The following DOCK5 variants were observed in gnomAD, a reference collection of about 807,000 sequenced individuals.
DOCK5 encodes dedicator of cytokinesis protein 5.
In DOCK5, 142 loss-of-function variants were observed where a neutral mutation model predicts 251.8. The ratio of observed to expected loss-of-function variants is 0.56; its 90% CI spans 0.49 to 0.65. The LOEUF (loss-of-function observed/expected upper bound fraction) is 0.65, where lower values mean the gene tolerates loss of function less well. Ranked by LOEUF, DOCK5 falls within the 30% of genes least tolerant of loss-of-function variation. DOCK5 has a pLI of 0.00. For missense variants in DOCK5, 2,111 were observed against 2,312.3 expected, an observed-to-expected ratio of 0.91 and a Z score of 1.79; for synonymous variants, 842 against 835.5, an observed-to-expected ratio of 1.01 and a Z score of -0.13.
chr8:25,191,305 G>A (rs1356077611), intron 1 of DOCK5, among the ~76,000 whole-genome samples: 1 of 152,152 alleles, frequency 6.6e-6, no homozygotes, highest in African/African-American at 2.4e-5. Flanking sequence ...GGAATGCAGG[G>A]GCAGCTATAA....
intron 5 of DOCK5, among the ~76,000 whole-genome samples, chr8:25,279,562 G>A (rs1804134989): frequency 6.6e-6 from 1 of 151,914 alleles, no homozygotes; most frequent in Admixed American, 6.6e-5. Flanking sequence ...CGCCTCTTGG[G>A]TTCATGCCAT....
chr8:25,353,074 C>A (rs77669430), intron 27 of DOCK5, among the ~76,000 whole-genome samples: 3,460 of 152,162 alleles, frequency 0.023, 55 homozygotes, highest in South Asian at 0.077. Flanking sequence ...TAAAGAGAAA[C>A]GATTGCAAGT....
At chr8:25,270,051 T>G (rs1311879913) in intron 3 of DOCK5, among the ~76,000 whole-genome samples, 1 of 152,222 alleles carries the variant, frequency 6.6e-6, no homozygotes, top group African/African-American at 2.4e-5. Flanking sequence ...TATTTGCACA[T>G]GTATGTGTAC....
intron 1 of DOCK5, among the ~76,000 whole-genome samples, chr8:25,205,218 G>A (rs1367999222): frequency 3.3e-5 from 5 of 151,806 alleles, no homozygotes; most frequent in South Asian, 2.1e-4. Context: ...TGTGGAGAGC[G>A]CTCTCCCTCT....
chr8:25,217,069 A>G (rs199895203), intron 1 of DOCK5, among the ~76,000 whole-genome samples: 135 of 137,914 alleles, frequency 9.8e-4, no homozygotes, highest in South Asian at 2.5e-3. Flanking sequence ...TACAATATGT[A>G]TATATGTATA....
In DOCK5 at chr8:25,364,583, G is replaced by A. The variant is rs367945759; in HGVS notation, c.3045-43G>A. The A allele has an allele frequency of 8.8e-5, 126 of 1,435,154 alleles. No individual in the cohort carries two copies. In the African/African-American group the frequency reaches 1.4e-3, roughly 16 times the overall value. 88.9% of individuals were successfully genotyped at this position (1,435,154 alleles called of 1,614,324 possible). On this transcript the variant is annotated intron_variant, in intron 29 of 51. Transcript: ENST00000276440. ...AATATAGGTGGGAAAAGGTTTCAAA[G>A]GACATACAGTTGGCTTCTTTATCTG...
At chr8:25,294,115 C>T (rs1804559669) in intron 6 of DOCK5, among the ~76,000 whole-genome samples, 1 of 152,140 alleles carries the variant, frequency 6.6e-6, no homozygotes, top group African/African-American at 2.4e-5. Context: ...CTGGAGGTCC[C>T]GTGATCTCTG....
chr8:25,227,198 A>G (rs1457347084), intron 1 of DOCK5, among the ~76,000 whole-genome samples: 1 of 152,218 alleles, frequency 6.6e-6, no homozygotes, highest in Non-Finnish European at 1.5e-5. Context: ...TTCACACCAC[A>G]TCTGGTGAGA....
intron 28 of DOCK5, among the ~76,000 whole-genome samples, chr8:25,362,250 G>A (rs1220559992): frequency 2.0e-5 from 3 of 152,090 alleles, no homozygotes; most frequent in Admixed American, 6.6e-5. Context: ...TAATAAAGGA[G>A]AATTGAACTG....
intron 13 of DOCK5, among the ~76,000 whole-genome samples, chr8:25,316,233 A>C (rs1805247239): frequency 6.6e-6 from 1 of 152,222 alleles, no homozygotes; most frequent in African/African-American, 2.4e-5. Flanking sequence ...TGATCCCAGC[A>C]CTTTGGGAGG....
At chr8:25,383,660 G>C (rs1801108875) in intron 40 of DOCK5, among the ~76,000 whole-genome samples, 1 of 152,154 alleles carries the variant, frequency 6.6e-6, no homozygotes, top group Non-Finnish European at 1.5e-5. Flanking sequence ...TTCGAGACCA[G>C]TGTGGCCAAC....
At chr8:25,265,572 A>G (rs1287918111) in intron 2 of DOCK5, among the ~76,000 whole-genome samples, 1 of 151,696 alleles carries the variant, frequency 6.6e-6, no homozygotes, top group African/African-American at 2.4e-5. Flanking sequence ...TTTCTTGAGC[A>G]CTTCTTCCTC....
intron 4 of DOCK5, 103 bp downstream of exon 4, chr8:25,275,544 C>G: frequency 8.4e-7 from 1 of 1,191,208 alleles, no homozygotes; most frequent in South Asian, 1.4e-5. Context: ...TAATAGTTCT[C>G]TCATCTCAGG....
intron 4 of DOCK5, chr8:25,276,839 C>T (rs1331941040): frequency 6.6e-6 from 1 of 152,184 alleles, no homozygotes; most frequent in Non-Finnish European, 1.5e-5. Flanking sequence ...TATTCCTCCT[C>T]ATCTTTGGAC....
chr8:25,204,454 C>T (rs6557824), intron 1 of DOCK5, among the ~76,000 whole-genome samples: 6,414 of 152,138 alleles, frequency 0.042, 244 homozygotes, highest in African/African-American at 0.1. Flanking sequence ...TTTCTATTAC[C>T]TTCTAGATTC....
chr8:25,358,857 GC>G (rs1563214903), intron 27 of DOCK5, 105 bp from the exon 28 acceptor site: 4 of 899,312 alleles, frequency 4.4e-6, no homozygotes, highest in Non-Finnish European at 1.8e-6. Context: ...TGGGATACCT[GC>G]GTGGCTCAGT....
rs1258901545 is a variant in DOCK5, at chr8:25,332,276, G to C, written c.1929G>C (p.Trp643Cys). Residue 643 changes from tryptophan to cysteine, a missense_variant, in exon 19 of 52, where the codon TGG becomes TGC. Trp to Cys is a radical substitution (Grantham distance 215). Transcript: ENST00000276440. Reference protein sequence around the residue: ...QNVDLLGLLNWRSNSQNIKHN... With the variant: ...QNVDLLGLLNCRSNSQNIKHN... ...TTGACCTGTTAGGCTTGTTAAATTGGCGTTCCAACTCCCAGAACATTAAAC... is the reference window on the plus strand; with the variant it reads ...TTGACCTGTTAGGCTTGTTAAATTGCCGTTCCAACTCCCAGAACATTAAAC... 6.2e-7 allele frequency: 1 copy of C among 1,613,494 alleles called. No homozygotes were observed. Among genetic ancestry groups the C allele is most frequent in the Non-Finnish European group, 8.5e-7 (1 of 1,179,650 alleles).
intron 1 of DOCK5, among the ~76,000 whole-genome samples, chr8:25,233,547 A>G (rs1802723069): frequency 6.6e-6 from 1 of 152,160 alleles, no homozygotes; most frequent in African/African-American, 2.4e-5. Flanking sequence ...ATTCTTAACC[A>G]GAAGAGTTAG....
rs1302863123 is a variant in DOCK5 at position 25,354,040 on chromosome 8, AAAAAAAAACAAAC to A, written c.2850+2223_2850+2235del. 2.5e-4 allele frequency among the ~76,000 whole-genome samples: 26 copies of A among 105,786 alleles called. 3 individuals are homozygous for A. The highest frequency in any genetic ancestry group is 3.8e-4 in the Non-Finnish European group (19 of 50,338). The allele number at this position is 105,786 out of a possible 152,430, so 69.4% of individuals were successfully genotyped here. ...GAGACTTTGTCTTAAAAAAAAAAAA[AAAAAAAAACAAAC>A]AAAAAAAAAAACGTAGGAGAGAAAA... On this transcript the variant is annotated intron_variant, in intron 27 of 51. Coordinates refer to ENST00000276440, the MANE Select transcript of DOCK5 (RefSeq NM_024940.8).
Sources: gnomAD v4.1 joint callset for allele counts (sites outside exome capture counted in the v4.1 genomes callset) on GRCh38, gnomAD v4.1.1 for gene constraint, MANE v1.5 for transcripts, NCBI Gene and HGNC (gene_info 2026-07-23, HGNC 2026-07-21) for gene names.